The following CLIP4 variants were observed in gnomAD, a reference collection of about 807,000 sequenced individuals.
CLIP4 encodes CAP-Gly domain-containing linker protein 4.
CLIP4 carries 47 observed loss-of-function variants against 73.1 expected under a neutral mutation model. The observed-to-expected ratio is 0.64, with a 90% CI of 0.51 to 0.82. CLIP4 has a LOEUF of 0.82. CLIP4 is among the 40% of genes least tolerant of loss of function. The pLI is 0.00. For missense variants in CLIP4, 874 were observed against 852.9 expected, an observed-to-expected ratio of 1.02 and a Z score of -0.31; for synonymous variants, 306 against 295.4, an observed-to-expected ratio of 1.04 and a Z score of -0.37.
At chr2:29,129,902 C>T in intron 2 of CLIP4, 5 of 430,802 alleles carry the variant, frequency 1.2e-5, no homozygotes, top group East Asian at 7.3e-5. Flanking sequence ...GATTCTGATC[C>T]ACAGTGTTTT....
chr2:29,132,017 A>G, intron 3 of CLIP4, 135 bp from the exon 4 acceptor site: 1 of 596,770 alleles, frequency 1.7e-6, no homozygotes, highest in Non-Finnish European at 2.9e-6. Context: ...CCCTTAAGAT[A>G]TGCTCATACT....
rs111372119 is a variant in CLIP4 at position 29,169,012 on chromosome 2, G to C, written c.1723+1472G>C. The stretch of plus-strand genomic sequence containing the variant: ...ATAACCATCTATGAAAAAATGATTT[G>C]TATGATACCAATCCTTAAATAATTG... On this transcript the variant is annotated intron_variant, in intron 14 of 15. Coordinates refer to ENST00000320081, the MANE Select transcript of CLIP4 (RefSeq NM_024692.6). 2.6e-3 allele frequency among the ~76,000 whole-genome samples: 379 copies of C among 147,434 alleles called. 6 individuals carry two copies. The East Asian group carries it at 0.053, about 21-fold the overall frequency.
chr2:29,131,060 G>A (rs975558212), intron 2 of CLIP4, among the ~76,000 whole-genome samples, 198 bp from the exon 3 acceptor site: 1 of 152,128 alleles, frequency 6.6e-6, no homozygotes, highest in African/African-American at 2.4e-5. Context: ...TGCCAGGTAA[G>A]GTGTTGGTGA....
Position 29,163,829 on chromosome 2 carries a change from A to G in CLIP4, c.1535-2A>G, listed in dbSNP as rs1449011432. Reference sequence around the variant, plus strand: ...TTTTGAAATGCAATATTCATGTTCTAGGATATTGGTATGGTATAGAGCTTG... The same window carrying G: ...TTTTGAAATGCAATATTCATGTTCTGGGATATTGGTATGGTATAGAGCTTG... On this transcript the variant is annotated splice_acceptor_variant, in intron 12 of 15. Transcript: ENST00000320081. LOFTEE classifies it high-confidence loss of function. 1 of 1,610,510 alleles carries G rather than the reference A, an allele frequency of 6.2e-7. No homozygotes were observed. Among genetic ancestry groups the G allele is most frequent in the East Asian group, 2.2e-5 (1 of 44,840 alleles).
intron 2 of CLIP4, among the ~76,000 whole-genome samples, chr2:29,123,666 G>A (rs1664411231): frequency 6.6e-6 from 1 of 152,194 alleles, no homozygotes; most frequent in Admixed American, 6.5e-5. Flanking sequence ...AGGTCTTTGT[G>A]GCTGAGAAGC....
At chr2:29,134,314 G>C (rs561204917) in intron 5 of CLIP4, among the ~76,000 whole-genome samples, 19 of 151,984 alleles carry the variant, frequency 1.3e-4, no homozygotes. Context: ...TCACAGTCCT[G>C]GTATTTTGAT....
intron 7 of CLIP4, 149 bp downstream of exon 7, chr2:29,144,094 A>G: frequency 5.8e-6 from 4 of 692,696 alleles, no homozygotes; most frequent in Non-Finnish European, 1.0e-5. Flanking sequence ...AAACTTAGAT[A>G]TGAATTTACT....
chr2:29,171,908 T>G (rs1573030992), intron 14 of CLIP4, among the ~76,000 whole-genome samples: 1 of 152,122 alleles, frequency 6.6e-6, no homozygotes, highest in Non-Finnish European at 1.5e-5. Context: ...TGATATACAC[T>G]GATGATATTT....
intron 12 of CLIP4, 101 bp from the exon 13 acceptor site, chr2:29,163,729 AT>A: frequency 3.4e-6 from 4 of 1,168,076 alleles, no homozygotes; most frequent in Admixed American, 2.7e-5. Flanking sequence ...CATTTTGGTC[AT>A]TTATGGAAAT....
chr2:29,116,379 G>C (rs1291139280), intron 1 of CLIP4, among the ~76,000 whole-genome samples: 1 of 152,202 alleles, frequency 6.6e-6, no homozygotes, highest in Non-Finnish European at 1.5e-5. Flanking sequence ...ACAATAACTT[G>C]CTGTATGTTC....
chr2:29,131,318 C>T lies in CLIP4; in HGVS notation c.194C>T (p.Thr65Ile), dbSNP rs1664953179. The T allele has an allele frequency of 2.5e-6, 4 of 1,610,798 alleles. No individual in the cohort carries two copies. The highest frequency in any genetic ancestry group is 3.4e-6 in the Non-Finnish European group (4 of 1,178,770). The change falls in exon 3 of 16, where the codon ACT becomes ATT. Residue 65 changes from threonine (T) to isoleucine (I), a missense_variant. Thr to Ile is a moderately conservative substitution (Grantham distance 89, BLOSUM62 -1). Coordinates refer to ENST00000320081, the MANE Select transcript of CLIP4 (RefSeq NM_024692.6). Reference sequence around the variant, plus strand: ...CAGGAAATTCTTTTTGATCCCAAAACTTCAGTTTCAGAATTATTTGCCATT... The same window carrying T: ...CAGGAAATTCTTTTTGATCCCAAAATTTCAGTTTCAGAATTATTTGCCATT... ...SCQEILFDPK[T>I]SVSELFAILR...
intron 1 of CLIP4, among the ~76,000 whole-genome samples, chr2:29,099,003 ATCT>A (rs1667959183): frequency 6.6e-6 from 1 of 152,182 alleles, no homozygotes; most frequent in Admixed American, 6.5e-5. Flanking sequence ...CTATTTGTAT[ATCT>A]TCTTTGGTGA....
Position 29,145,295 on chromosome 2 carries a change from C to G in CLIP4, c.949C>G (p.Leu317Val). ...AAGTGGGCAGTGGGCTGGCATTGAA[C>G]TGGATGAACCAGAAGGAAAAAATAA... Reference protein sequence around the residue: ...FASGQWAGIELDEPEGKNNGS... With the variant: ...FASGQWAGIEVDEPEGKNNGS... The change falls in exon 8 of 16, where the codon CTG (leucine) becomes GTG (valine). Residue 317 changes from leucine (L) to valine (V), a missense_variant. Transcript: ENST00000320081. 1 of 1,613,648 alleles carries G rather than the reference C, an allele frequency of 6.2e-7. No homozygotes were observed. Among genetic ancestry groups the G allele is most frequent in the Non-Finnish European group, 8.5e-7 (1 of 1,179,712 alleles).
intron 10 of CLIP4, 59 bp from the exon 11 acceptor site, chr2:29,157,145 G>A: frequency 1.4e-6 from 2 of 1,468,528 alleles, no homozygotes; most frequent in Non-Finnish European, 1.9e-6. Context: ...GCCTTGACAA[G>A]CTGCTTCTTG....
At chr2:29,155,094 G>A (rs1005150972) in intron 9 of CLIP4, among the ~76,000 whole-genome samples, 4 of 152,152 alleles carry the variant, frequency 2.6e-5, no homozygotes, top group African/African-American at 9.7e-5. Context: ...CATGGACATT[G>A]CAATGAACAC....
chr2:29,177,123 GT>G (rs1487132091), intron 15 of CLIP4, among the ~76,000 whole-genome samples: 2 of 151,966 alleles, frequency 1.3e-5, no homozygotes, highest in Non-Finnish European at 2.9e-5. Context: ...GTAACAAACA[GT>G]TTGGCCAGGC....
At chr2:29,123,045 C>T (rs1453728827) in intron 2 of CLIP4, among the ~76,000 whole-genome samples, 9 of 152,054 alleles carry the variant, frequency 5.9e-5, no homozygotes, top group Admixed American at 2.0e-4. Context: ...AAATTGTTTT[C>T]GTATGTTGAC....
chr2:29,131,191 T>C lies in CLIP4; in HGVS notation c.134-67T>C, dbSNP rs142900518. On this transcript the variant is annotated intron_variant, in intron 2 of 15. Transcript: ENST00000320081. ...TATCATTTGAACCTTGGTTTTATTG[T>C]TTATTATTTTCAATATATTTATTTG... 308 of 1,297,660 alleles carry C rather than the reference T, an allele frequency of 2.4e-4. No individual in the cohort carries two copies. In the African/African-American group the frequency reaches 3.9e-3, roughly 17 times the overall value. The allele number at this position is 1,297,660 out of a possible 1,614,324, so 80.4% of individuals were successfully genotyped here.
upstream of CLIP4, among the ~76,000 whole-genome samples, chr2:29,113,518 A>G (rs956125570): frequency 6.6e-6 from 1 of 152,226 alleles, no homozygotes; most frequent in African/African-American, 2.4e-5. This position sits in a 1 kb window ranked among gnomAD's most constrained non-coding sequence, Gnocchi z 4.0. Flanking sequence ...TGATGATGGT[A>G]TAAAGAAGTA....
Sources: gnomAD v4.1 joint callset for allele counts (sites outside exome capture counted in the v4.1 genomes callset) on GRCh38, gnomAD v4.1.1 for gene constraint, Gnocchi (gnomAD v3.1) non-coding constraint, MANE v1.5 for transcripts, NCBI Gene and HGNC (gene_info 2026-07-23, HGNC 2026-07-21) for gene names.